Variants in GDAP1L1 observed in about 807,000 individuals in gnomAD.
GDAP1L1 encodes ganglioside induced differentiation associated protein 1 like 1.
GDAP1L1 carries 21 observed loss-of-function variants against 37.1 expected under a neutral mutation model. The ratio of observed to expected loss-of-function variants is 0.57; its 90% CI spans 0.40 to 0.81. The LOEUF is 0.81. GDAP1L1 is among the 40% of genes least tolerant of loss of function. The pLI, the probability that GDAP1L1 is intolerant of heterozygous loss-of-function variation, is 0.00. For synonymous variants in GDAP1L1, 193 were observed against 209.1 expected, an observed-to-expected ratio of 0.92 and a Z score of 0.67; for missense variants, 362 against 491.6, an observed-to-expected ratio of 0.74 and a Z score of 2.49.
At position 44,264,508 on chromosome 20, in the gene GDAP1L1, G is replaced by A. The variant is rs1223032184; in HGVS notation, c.709G>A (p.Val237Met). The change falls in exon 5 of 6, where the codon GTG (valine) becomes ATG (methionine). Residue 237 changes from valine (V) to methionine (M), a missense_variant. This residue lies in a region of GDAP1L1 where 277 missense variants were observed against 337.1 expected (regional missense o/e 0.82). Coordinates refer to ENST00000342560, the MANE Select transcript of GDAP1L1 (RefSeq NM_024034.6). ...LKKILGELAM[V>M]LDQIEAELEK... ...GAAGATCCTCGGGGAACTGGCCATG[G>A]TGCTGGACCAGATTGAGGCGGAGCT... is the stretch of plus-strand genomic sequence containing the variant. 11 of 1,595,078 alleles carry A rather than the reference G, an allele frequency of 6.9e-6. No homozygotes were observed. In the Admixed American group the frequency reaches 1.0e-4, roughly 15 times the overall value.
In GDAP1L1 at chr20:44,279,024, C is replaced by T. The variant is rs367972189; in HGVS notation, c.828C>T (p.Thr276=). The change falls in exon 6 of 6, where the codon ACC becomes ACT. Residue 276 remains threonine (T), a synonymous_variant. Transcript: ENST00000342560. ...TCGCTGATGTCCTCCTGGGAGCCAC[C>T]CTGCACCGCCTCAAGTTCCTGGGAC... ...FTLADVLLGA[T]LHRLKFLGLS... 6 of 1,614,128 alleles carry T rather than the reference C, an allele frequency of 3.7e-6. No individual in the cohort carries two copies. Among genetic ancestry groups the T allele is most frequent in the East Asian group, 2.2e-5 (1 of 44,876 alleles).
chr20:44,267,621 A>G (rs2146034289), intron 5 of GDAP1L1, among the ~76,000 whole-genome samples: 1 of 151,990 alleles, frequency 6.6e-6, no homozygotes, highest in East Asian at 1.9e-4. Context: ...AAAGAGAAAA[A>G]AAAAAAAAAA....
Position 44,280,373 on chromosome 20 carries a change from A to G in GDAP1L1, c.*1073A>G, listed in dbSNP as rs899330458. ...AGCCCCAATAAAGCATCCAGGAGGA[A>G]CAGTTGCTTTTCATTTCTAAACCTG... On this transcript the variant is annotated 3_prime_UTR_variant, in exon 6 of 6. Coordinates refer to ENST00000342560, the MANE Select transcript of GDAP1L1 (RefSeq NM_024034.6). 6.5e-6 allele frequency: 1 copy of G among 153,690 alleles called. No homozygotes were observed. Among genetic ancestry groups the G allele is most frequent in the Middle Eastern group, 3.1e-3 (1 of 320 alleles). The allele number at this position is 153,690 out of a possible 1,614,324, so 9.5% of individuals were successfully genotyped here.
chr20:44,256,960 G>C (rs907560800), intron 1 of GDAP1L1, among the ~76,000 whole-genome samples, 193 bp from the exon 2 acceptor site: 2 of 152,052 alleles, frequency 1.3e-5, no homozygotes, highest in African/African-American at 2.4e-5. Context: ...GCAGAACTGC[G>C]CTCCTCCCTC....
At chr20:44,268,193 G>T (rs1600554678) in intron 5 of GDAP1L1, among the ~76,000 whole-genome samples, 1 of 152,246 alleles carries the variant, frequency 6.6e-6, no homozygotes, top group South Asian at 2.1e-4. Flanking sequence ...AGATGGCTTT[G>T]ATGCAGATTC....
chr20:44,275,522 G>A (rs2062563631), intron 5 of GDAP1L1, among the ~76,000 whole-genome samples: 1 of 152,178 alleles, frequency 6.6e-6, no homozygotes, highest in Non-Finnish European at 1.5e-5. Context: ...GGAAGGGAGA[G>A]GGGAGAGCAT....
At position 44,279,171 on chromosome 20, in the gene GDAP1L1, C is replaced by T. The variant is rs576002372; in HGVS notation, c.975C>T (p.Ala325=). The stretch of plus-strand genomic sequence containing the variant: ...ACATCCACACCACCCTGCTGTCGGC[C>T]GTCATCCCCAATGCTTTCCGGCTGG... ...LGDIHTTLLS[A]VIPNAFRLVK... is the part of the protein sequence containing the mutation. The change falls in exon 6 of 6, where the codon GCC becomes GCT. Residue 325 remains alanine (A), a synonymous_variant. Transcript: ENST00000342560. 73 of 1,614,074 alleles carry T rather than the reference C, an allele frequency of 4.5e-5. 1 individual carries two copies. Among genetic ancestry groups the T allele is most frequent in the South Asian group, 7.7e-5 (7 of 91,078 alleles).
intron 5 of GDAP1L1, among the ~76,000 whole-genome samples, chr20:44,276,431 AG>A (rs1467573779): frequency 3.1e-4 from 45 of 142,928 alleles, no homozygotes; most frequent in African/African-American, 1.0e-3. Context: ...AAAGAAAGAA[AG>A]AAAGAAAGAA....
intron 5 of GDAP1L1, among the ~76,000 whole-genome samples, chr20:44,268,585 T>G (rs952984514): frequency 6.6e-6 from 1 of 152,030 alleles, no homozygotes; most frequent in Non-Finnish European, 1.5e-5. Context: ...CAGCGATAAG[T>G]GTTAAGATTG....
chr20:44,252,313 A>T (rs982299449), intron 1 of GDAP1L1, among the ~76,000 whole-genome samples: 2 of 152,092 alleles, frequency 1.3e-5, no homozygotes, highest in African/African-American at 4.8e-5. Flanking sequence ...GGAGTTTGAG[A>T]CCAGTCTGGC....
chr20:44,247,401 G>T lies in GDAP1L1; in HGVS notation c.67G>T (p.Asp23Tyr), dbSNP rs755013644. ...GTGGCCCATCTCCGCGCTGGAGAGCGATGCGGCCAAGCCAGCGGAGGCCCC... is the reference window on the plus strand; with the variant it reads ...GTGGCCCATCTCCGCGCTGGAGAGCTATGCGGCCAAGCCAGCGGAGGCCCC... ...SWWPISALES[D>Y]AAKPAEAPDA... Residue 23 changes from aspartate to tyrosine, a missense_variant, in exon 1 of 6, where the codon GAT (aspartate) becomes TAT (tyrosine). Transcript: ENST00000342560. 23 of 1,612,760 alleles carry T rather than the reference G, an allele frequency of 1.4e-5. No homozygotes were observed. The highest frequency in any genetic ancestry group is 1.9e-5 in the Non-Finnish European group (22 of 1,179,794).
chr20:44,254,453 C>G (rs2145994796), intron 1 of GDAP1L1, among the ~76,000 whole-genome samples: 1 of 152,368 alleles, frequency 6.6e-6, no homozygotes, highest in Non-Finnish European at 1.5e-5. Context: ...CGAGAAGCTC[C>G]CTCCCACTGC....
chr20:44,252,031 G>A (rs1000707484), intron 1 of GDAP1L1, among the ~76,000 whole-genome samples: 3 of 152,208 alleles, frequency 2.0e-5, no homozygotes, highest in Admixed American at 1.3e-4. Context: ...CTGATTCCTA[G>A]TGGTGACAAT....
intron 5 of GDAP1L1, 175 bp downstream of exon 5, chr20:44,264,734 A>C: frequency 7.3e-7 from 1 of 1,361,554 alleles, no homozygotes; most frequent in Non-Finnish European, 9.8e-7. Flanking sequence ...TTCCTAGCTT[A>C]GTAAATGTGG....
Position 44,261,960 on chromosome 20 carries a change from A to G in GDAP1L1, c.548-1270A>G, listed in dbSNP as rs2073681654. ...TGGAGTGGTCTGGCACATTCAGGGA[A>G]CAGCAAGCATGTACAGTGGCTGAAA... On this transcript the variant is annotated intron_variant, in intron 3 of 5. Transcript: ENST00000342560. Among the ~76,000 whole-genome samples the G allele has an allele frequency of 3.3e-5, 5 of 152,210 alleles. 1 individual carries two copies. The South Asian group carries it at 1.0e-3, about 32-fold the overall frequency.
intron 2 of GDAP1L1, 175 bp from the exon 3 acceptor site, chr20:44,258,259 A>T (rs985095898): frequency 1.4e-6 from 1 of 734,202 alleles, no homozygotes; most frequent in Non-Finnish European, 2.5e-6. Context: ...GAGCCCAGTG[A>T]GGAGAGATGG....
intron 5 of GDAP1L1, chr20:44,265,465 C>T (rs1190516344): frequency 2.0e-6 from 2 of 985,324 alleles, no homozygotes; most frequent in Non-Finnish European, 2.4e-6. Flanking sequence ...GCCTCCTGCA[C>T]ATGCATGGCT....
intron 5 of GDAP1L1, among the ~76,000 whole-genome samples, chr20:44,270,405 C>T (rs1336366378): frequency 2.0e-5 from 3 of 151,954 alleles, no homozygotes; most frequent in East Asian, 1.9e-4. Context: ...CTCCTGACCT[C>T]GTGATCCACC....
chr20:44,270,228 T>C (rs2062499734), intron 5 of GDAP1L1, among the ~76,000 whole-genome samples: 1 of 140,334 alleles, frequency 7.1e-6, no homozygotes, highest in Non-Finnish European at 1.5e-5. Flanking sequence ...TGGAGTGCAG[T>C]GGCGGGATCT....
Sources: allele counts gnomAD v4.1 joint callset (sites outside exome capture counted in the v4.1 genomes callset), GRCh38; gene constraint gnomAD v4.1.1; regional missense constraint gnomAD v4.1.1; transcripts MANE v1.5; gene names NCBI Gene and HGNC (gene_info 2026-07-23, HGNC 2026-07-21).